The following PHKB variants were observed in gnomAD, a reference collection of about 807,000 sequenced individuals.
The protein encoded by PHKB is phosphorylase b kinase regulatory subunit beta.
A neutral mutation model predicts 152.1 loss-of-function variants in PHKB; 122 were observed. That is an observed-to-expected ratio of 0.80 (90% CI 0.69 to 0.93). The LOEUF (loss-of-function observed/expected upper bound fraction) is 0.93, where lower values mean the gene tolerates loss of function less well. Among genes scored for constraint, PHKB ranks in the 40% least tolerant of loss-of-function variants. The pLI, the probability that PHKB is intolerant of heterozygous loss-of-function variation, is 0.00. For missense variants in PHKB, 1,304 were observed against 1,328.4 expected (o/e 0.98, Z 0.29); for synonymous variants, 436 against 464.9 (o/e 0.94, Z 0.80).
chr16:47,559,738 G>T (rs1200214606), intron 7 of PHKB, among the ~76,000 whole-genome samples: 1 of 152,198 alleles, frequency 6.6e-6, no homozygotes, highest in Non-Finnish European at 1.5e-5. Flanking sequence ...CAGAAGTCAT[G>T]CAGTGTAAAC....
At chr16:47,601,619 C>T (rs1028260129) in intron 13 of PHKB, among the ~76,000 whole-genome samples, 21 of 151,960 alleles carry the variant, frequency 1.4e-4, no homozygotes, top group Non-Finnish European at 1.8e-4. Flanking sequence ...GCAGGAGAAT[C>T]GCTTGAACCT....
At chr16:47,554,768 A>G (rs1456689088) in intron 7 of PHKB, among the ~76,000 whole-genome samples, 1 of 152,060 alleles carries the variant, frequency 6.6e-6, no homozygotes, top group Non-Finnish European at 1.5e-5. Context: ...TGGCTAGGGG[A>G]GGGAGTTCCC....
At chr16:47,529,470 C>A (rs993139065) in intron 6 of PHKB, 1 of 151,764 alleles carries the variant, frequency 6.6e-6, no homozygotes, top group Admixed American at 6.6e-5. Flanking sequence ...GCCTCGGCCT[C>A]CCAAGTAGCT....
At position 47,524,375 on chromosome 16, in the gene PHKB, TA is replaced by T. The variant is rs1045454054; in HGVS notation, c.594+8782del. On this transcript the variant is annotated intron_variant, in intron 6 of 30. Coordinates refer to ENST00000323584, the MANE Select transcript of PHKB (RefSeq NM_000293.3). ...GTCCCAGTGTGTTTTTTAACTGCCT[TA>T]AAAAAAATACTTTAATATGCTGCAT... Among the ~76,000 whole-genome samples, 392 of 152,154 alleles carry T rather than the reference TA, an allele frequency of 2.6e-3. 5 individuals are homozygous for T. Among genetic ancestry groups the T allele is most frequent in the Admixed American group, 4.3e-3 (65 of 15,282 alleles).
At chr16:47,649,284 C>T (rs1394278015) in intron 18 of PHKB, 80 bp downstream of exon 18, 7 of 831,012 alleles carry the variant, frequency 8.4e-6, no homozygotes, top group Non-Finnish European at 1.5e-5. Context: ...ATTGAGTACT[C>T]CCAGGTATCT....
At position 47,650,587 on chromosome 16, in the gene PHKB, G is replaced by A. The variant is rs140190371; in HGVS notation, c.1841G>A (p.Arg614His). 55 of 1,610,926 alleles carry A rather than the reference G, an allele frequency of 3.4e-5. No individual in the cohort carries two copies. The highest frequency in any genetic ancestry group is 9.4e-5 in the African/African-American group (7 of 74,802). Residue 614 changes from arginine (R) to histidine (H), a missense_variant, in exon 19 of 31, where the codon CGT becomes CAT. Transcript: ENST00000323584. Reference sequence around the variant, plus strand: ...AAACAATATTGGAAAATGCATGGACGTCCACTTTTCCTTGTTCTCATCCGG... The same window carrying A: ...AAACAATATTGGAAAATGCATGGACATCCACTTTTCCTTGTTCTCATCCGG... ...FIKQYWKMHGRPLFLVLIRED... is the reference protein window; with the variant it reads ...FIKQYWKMHGHPLFLVLIRED...
At chr16:47,535,004 G>T (rs1279296058) in intron 6 of PHKB, among the ~76,000 whole-genome samples, 1 of 152,130 alleles carries the variant, frequency 6.6e-6, no homozygotes, top group Non-Finnish European at 1.5e-5. Flanking sequence ...CTTCACTTTG[G>T]GTATCAGGGA....
chr16:47,478,359 A>G (rs893167026), intron 1 of PHKB, among the ~76,000 whole-genome samples: 1 of 152,186 alleles, frequency 6.6e-6, no homozygotes, highest in African/African-American at 2.4e-5. Flanking sequence ...GCAGCGACCA[A>G]TACCAGAATT....
In PHKB at chr16:47,461,392, G is replaced by A. The variant is rs1256305792; in HGVS notation, c.42G>A (p.Lys14=). 6.8e-6 allele frequency: 11 copies of A among 1,613,042 alleles called. No individual in the cohort carries two copies. Among genetic ancestry groups the A allele is most frequent in the Non-Finnish European group, 9.3e-6 (11 of 1,179,816 alleles). Residue 14 remains lysine (K), a synonymous_variant, in exon 1 of 31, where the codon AAG becomes AAA. Coordinates refer to ENST00000323584, the MANE Select transcript of PHKB (RefSeq NM_000293.3). ...AAGLTAEVSW[K]VLERRARTKR... ...GACTCACGGCAGAAGTGAGCTGGAA[G>A]GTCTTGGAGCGAAGAGCTCGGACCA...
At chr16:47,638,642 C>T (rs972800316) in intron 14 of PHKB, among the ~76,000 whole-genome samples, 5 of 152,188 alleles carry the variant, frequency 3.3e-5, no homozygotes, top group Admixed American at 2.0e-4. Context: ...AATACTTTTA[C>T]GTGATAATAA....
rs757417461 is a variant in PHKB at position 47,487,743 on chromosome 16, G to C, written c.77-9656G>C. On this transcript the variant is annotated intron_variant, in intron 1 of 30. Coordinates refer to ENST00000323584, the MANE Select transcript of PHKB (RefSeq NM_000293.3). ...AATTTGCTTAGAATAACAGCCTCCAGCTCCATCCATGTTGCTACAAAGGAC... is the reference window on the plus strand; with the variant it reads ...AATTTGCTTAGAATAACAGCCTCCACCTCCATCCATGTTGCTACAAAGGAC... Among the ~76,000 whole-genome samples, 49 of 152,254 alleles carry C rather than the reference G, an allele frequency of 3.2e-4. 1 individual carries two copies. The Middle Eastern group carries it at 0.014, about 42-fold the overall frequency.
intron 1 of PHKB, among the ~76,000 whole-genome samples, chr16:47,496,749 G>A (rs926287339): frequency 5.3e-5 from 8 of 152,158 alleles, no homozygotes; most frequent in Admixed American, 2.0e-4. Context: ...CATGATTATT[G>A]TGTATTTTGT....
intron 12 of PHKB, among the ~76,000 whole-genome samples, chr16:47,594,574 T>C (rs1309768909): frequency 6.6e-6 from 1 of 152,196 alleles, no homozygotes; most frequent in East Asian, 1.9e-4. Flanking sequence ...GTTCTGCTCT[T>C]GTCTAAAGGC....
At chr16:47,561,184 AAAAGG>A (rs1288990230) in intron 7 of PHKB, 3 of 152,236 alleles carry the variant, frequency 2.0e-5, no homozygotes, top group Non-Finnish European at 4.4e-5. Flanking sequence ...GAAATGAAAG[AAAAGG>A]AAGAGTCAAA....
rs951894392 is a variant in PHKB, at chr16:47,463,800, T to C, written c.76+2374T>C. ...TAATGATCCTCAGTTACTGCCTTTG[T>C]TGCATACTGCATCATGTTAATAACT... On this transcript the variant is annotated intron_variant, in intron 1 of 30. Transcript: ENST00000323584. 5 of 762,996 alleles carry C rather than the reference T, an allele frequency of 6.6e-6. No homozygotes were observed. In the Admixed American group the frequency reaches 8.2e-5, roughly 12 times the overall value. The allele number at this position is 762,996 out of a possible 1,614,324, so 47.3% of individuals were successfully genotyped here. A position where few individuals can be genotyped will look rare whatever the true frequency, so the allele number is the denominator to read the frequency against.
At chr16:47,640,631 A>T (rs1024281660) in intron 14 of PHKB, among the ~76,000 whole-genome samples, 2 of 152,258 alleles carry the variant, frequency 1.3e-5, no homozygotes, top group African/African-American at 4.8e-5. Context: ...TAAGATGTCA[A>T]ATGAACAATT....
chr16:47,561,144 G>A (rs1971468953), intron 7 of PHKB, among the ~76,000 whole-genome samples: 1 of 152,116 alleles, frequency 6.6e-6, no homozygotes, highest in Non-Finnish European at 1.5e-5. Flanking sequence ...CAAACATTTT[G>A]GGAAAATTGT....
chr16:47,664,080 G>T, intron 24 of PHKB: 1 of 270,738 alleles, frequency 3.7e-6, no homozygotes, highest in East Asian at 8.3e-5. Flanking sequence ...AGAAGGCCAT[G>T]AAAAGAGACC....
At position 47,665,969 on chromosome 16, in the gene PHKB, TTTAAG is replaced by T. The variant is rs1973531054; in HGVS notation, c.2427+996_2427+1000del. The T allele has an allele frequency of 6.2e-7, 1 of 1,613,920 alleles. No homozygotes were observed. The highest frequency in any genetic ancestry group is 8.5e-7 in the Non-Finnish European group (1 of 1,179,904). On this transcript the variant is annotated intron_variant, in intron 25 of 30. Coordinates refer to ENST00000323584, the MANE Select transcript of PHKB (RefSeq NM_000293.3). ...CGGTTGTACGCCGTGCAGCAAGTCT[TTTAAG>T]TAAAGTAGTGGACAGCCTGGCCCCA...
Sources: gnomAD v4.1 joint callset for allele counts (sites outside exome capture counted in the v4.1 genomes callset) on GRCh38, gnomAD v4.1.1 for gene constraint, MANE v1.5 for transcripts, NCBI Gene and HGNC (gene_info 2026-07-23, HGNC 2026-07-21) for gene names.